The following QKI variants were observed in gnomAD, a reference collection of about 807,000 sequenced individuals.
QKI encodes the protein QKI, KH domain containing RNA binding, also known as KH domain-containing RNA-binding protein QKI.
A neutral mutation model predicts 39.0 loss-of-function variants in QKI; 10 were observed. That is an observed-to-expected ratio of 0.26 (90% confidence interval 0.16 to 0.43). QKI has a LOEUF of 0.43. Among genes scored for constraint, QKI ranks in the 20% least tolerant of loss-of-function variants. QKI has a pLI of 1.00. For missense variants in QKI, 218 were observed against 428.0 expected (o/e 0.51, Z 4.33); for synonymous variants, 204 against 155.4 (o/e 1.31, Z -2.33).
At chr6:163,557,020 A>G (rs966156629) in intron 4 of QKI, among the ~76,000 whole-genome samples, 32 of 152,220 alleles carry the variant, frequency 2.1e-4, no homozygotes, top group Non-Finnish European at 2.9e-5. Flanking sequence ...TATATTTGCA[A>G]GGAAGCCTTA....
At chr6:163,477,264 G>A (rs535807397) in intron 2 of QKI, among the ~76,000 whole-genome samples, 55 of 152,200 alleles carry the variant, frequency 3.6e-4, no homozygotes, top group African/African-American at 1.1e-3. Context: ...GATCCACCCC[G>A]TCTTGGCCTC....
At chr6:163,472,710 A>G (rs1286302718) in intron 2 of QKI, among the ~76,000 whole-genome samples, 1 of 152,224 alleles carries the variant, frequency 6.6e-6, no homozygotes, top group East Asian at 1.9e-4. Flanking sequence ...GTAGGAAGCT[A>G]AAAATCAAAA....
chr6:163,456,426 CAAGAA>C (rs1206702650), intron 2 of QKI, among the ~76,000 whole-genome samples: 2 of 151,880 alleles, frequency 1.3e-5, no homozygotes, highest in Non-Finnish European at 2.9e-5. Context: ...TTGAATGAAC[CAAGAA>C]AAGATGATGG....
chr6:163,566,421 C>CT, intron 6 of QKI: 1 of 1,249,518 alleles, frequency 8.0e-7, no homozygotes, highest in Non-Finnish European at 1.0e-6. Context: ...GAATATGTGA[C>CT]TAGTAAAGCT....
intron 2 of QKI, among the ~76,000 whole-genome samples, chr6:163,471,983 G>A (rs1792229441): frequency 6.6e-6 from 1 of 152,102 alleles, no homozygotes; most frequent in South Asian, 2.1e-4. Context: ...CATCTCTAGA[G>A]ATAATAAAGA....
intron 3 of QKI, among the ~76,000 whole-genome samples, chr6:163,480,983 C>T (rs1221859131): frequency 6.6e-6 from 1 of 152,112 alleles, no homozygotes; most frequent in East Asian, 1.9e-4. Flanking sequence ...GTTTCAAGCC[C>T]TCACAGACAA....
At chr6:163,569,799 TAAAG>T (rs1783595747) in intron 7 of QKI, 7 of 984,848 alleles carry the variant, frequency 7.1e-6, no homozygotes, top group Middle Eastern at 5.2e-4. Context: ...TGAAATTGAA[TAAAG>T]AAAGCTGTTT....
intron 3 of QKI, among the ~76,000 whole-genome samples, chr6:163,514,641 G>A (rs1327575019): frequency 6.6e-6 from 1 of 152,182 alleles, no homozygotes; most frequent in Non-Finnish European, 1.5e-5. Context: ...GGATATGTAT[G>A]TGTGTATTGT....
At chr6:163,569,049 T>C (rs954986273) in intron 7 of QKI, 9 of 969,876 alleles carry the variant, frequency 9.3e-6, no homozygotes, top group Non-Finnish European at 1.1e-5. Context: ...TAAGAAACTT[T>C]AAACAGTTTT....
At chr6:163,445,615 CTT>C (rs771151149) in intron 1 of QKI, among the ~76,000 whole-genome samples, 38 of 135,242 alleles carry the variant, frequency 2.8e-4, no homozygotes, top group Admixed American at 3.7e-4. Flanking sequence ...GAGTATATGT[CTT>C]TTTTTTTTTT....
At chr6:163,426,843 A>T (rs1041900353) in intron 1 of QKI, among the ~76,000 whole-genome samples, 4 of 152,190 alleles carry the variant, frequency 2.6e-5, no homozygotes, top group African/African-American at 9.7e-5. Flanking sequence ...AGACCAATGA[A>T]TTTTTTCTCT....
At chr6:163,564,693 G>T in intron 6 of QKI, 1 of 1,614,012 alleles carries the variant, frequency 6.2e-7, no homozygotes, top group Non-Finnish European at 8.5e-7. Flanking sequence ...AGTCATGCCT[G>T]ATATTTCAGC....
At chr6:163,450,594 C>G (rs187148830) in intron 1 of QKI, among the ~76,000 whole-genome samples, 1 of 151,700 alleles carries the variant, frequency 6.6e-6, no homozygotes, top group Admixed American at 6.6e-5. Flanking sequence ...GCAGTGACAT[C>G]GGAGCAGAAT....
intron 3 of QKI, among the ~76,000 whole-genome samples, chr6:163,484,103 G>A (rs1300408157): frequency 6.6e-6 from 1 of 152,074 alleles, no homozygotes; most frequent in Non-Finnish European, 1.5e-5. Flanking sequence ...TGAGCAATAT[G>A]TCTCAACAGT....
At chr6:163,570,057 A>G in intron 7 of QKI, 1 of 986,214 alleles carries the variant, frequency 1.0e-6, no homozygotes, top group Non-Finnish European at 1.2e-6. Context: ...ACAGTTTAGT[A>G]TCGCTTTGTA....
At chr6:163,480,816 G>A (rs754642176) in intron 3 of QKI, among the ~76,000 whole-genome samples, 2 of 152,190 alleles carry the variant, frequency 1.3e-5, no homozygotes, top group East Asian at 3.9e-4. Flanking sequence ...AATGAATGAA[G>A]TCTTGACAAC....
At chr6:163,549,601 A>G (rs1308156001) in intron 4 of QKI, among the ~76,000 whole-genome samples, 1 of 152,054 alleles carries the variant, frequency 6.6e-6, no homozygotes, top group African/African-American at 2.4e-5. Context: ...AATCTCAGCT[A>G]CTCCGAAAGC....
At chr6:163,553,024 A>C (rs1317951000) in intron 4 of QKI, among the ~76,000 whole-genome samples, 1 of 147,762 alleles carries the variant, frequency 6.8e-6, no homozygotes. Flanking sequence ...AGAGATTTTT[A>C]GATAGTCATA....
Position 163,573,675 on chromosome 6 carries a change from A to G in QKI, c.*2965A>G, listed in dbSNP as rs1043906213. The G allele has an allele frequency of 2.0e-5, 3 of 152,174 alleles. No homozygotes were observed. Among genetic ancestry groups the G allele is most frequent in the African/African-American group, 4.8e-5 (2 of 41,442 alleles). The allele number at this position is 152,174 out of a possible 1,614,324, so 9.4% of individuals were successfully genotyped here. Reference sequence around the variant, plus strand: ...GGGCTTTTAGTTAGCTAATGAATGAATACATTAGACACTTTTGGGTTTTAG... The same window carrying G: ...GGGCTTTTAGTTAGCTAATGAATGAGTACATTAGACACTTTTGGGTTTTAG... On this transcript the variant is annotated 3_prime_UTR_variant, in exon 8 of 8. Coordinates refer to ENST00000361752, the MANE Select transcript of QKI (RefSeq NM_006775.3).
Sources: allele counts gnomAD v4.1 joint callset (sites outside exome capture counted in the v4.1 genomes callset), GRCh38; gene constraint gnomAD v4.1.1; transcripts MANE v1.5; gene names NCBI Gene and HGNC (gene_info 2026-07-23, HGNC 2026-07-21).